TRMT10A: variants seen among roughly 807,000 people sequenced by gnomAD.
The protein encoded by TRMT10A is tRNA methyltransferase 10 homolog A.
A neutral mutation model predicts 40.4 loss-of-function variants in TRMT10A; 37 were observed. That is an observed-to-expected ratio of 0.92 (90% confidence interval 0.71 to 1.21). TRMT10A has a LOEUF of 1.21. TRMT10A is among the 50% of genes most tolerant of loss of function. The pLI, the probability that TRMT10A is intolerant of heterozygous loss-of-function variation, is 0.00. For synonymous variants in TRMT10A, 103 were observed against 134.1 expected (o/e 0.77, Z 1.60); for missense variants, 388 against 404.3 (o/e 0.96, Z 0.35).
chr4:99,553,642 A>C, intron 6 of TRMT10A, 143 bp downstream of exon 6: 1 of 715,118 alleles, frequency 1.4e-6, no homozygotes, highest in Non-Finnish European at 2.2e-6. Flanking sequence ...TATGTGAAAT[A>C]CTTTGCTTAG....
At chr4:99,559,460 T>A (rs1724298097) in intron 1 of TRMT10A, 99 bp from the exon 2 acceptor site, 1 of 766,512 alleles carries the variant, frequency 1.3e-6, no homozygotes, top group African/African-American at 1.7e-5. Flanking sequence ...TAAATAAAAC[T>A]TTAGACAAAT....
In TRMT10A at chr4:99,559,359, C is replaced by T. The variant is rs759426770; in HGVS notation, c.-21G>A. 20 of 1,589,154 alleles carry T rather than the reference C, an allele frequency of 1.3e-5. No individual in the cohort carries two copies. The Admixed American group carries it at 2.6e-4, about 21-fold the overall frequency. ...GACATTATTTGGTGCCTCTGAAAAA[C>T]AACTTTTGACATGAATAGATAATTT... On this transcript the variant is annotated splice_region_variant and 5_prime_UTR_variant, in exon 2 of 8. Transcript: ENST00000394876.
In TRMT10A at chr4:99,564,008, A is replaced by C; in HGVS notation, c.-119T>G. On this transcript the variant is annotated 5_prime_UTR_variant, in exon 1 of 8. Coordinates refer to ENST00000394876, the MANE Select transcript of TRMT10A (RefSeq NM_001134665.3). ...CACGCTTCCTTCCACAGAAACTTCAATTCCCAGAGGCAGGGGCGGTAGTTA... is the reference window on the plus strand; with the variant it reads ...CACGCTTCCTTCCACAGAAACTTCACTTCCCAGAGGCAGGGGCGGTAGTTA... 6.7e-7 allele frequency: 1 copy of C among 1,483,936 alleles called. No individual in the cohort carries two copies. Among genetic ancestry groups the C allele is most frequent in the Non-Finnish European group, 9.1e-7 (1 of 1,100,762 alleles). 91.9% of individuals were successfully genotyped at this position (1,483,936 alleles called of 1,614,324 possible).
intron 1 of TRMT10A, among the ~76,000 whole-genome samples, chr4:99,561,437 T>A (rs1724390203): frequency 1.3e-5 from 2 of 152,090 alleles, no homozygotes; most frequent in Admixed American, 1.3e-4. Context: ...GGTCAACATC[T>A]TCATCATCAT....
chr4:99,556,367 T>C, intron 4 of TRMT10A, 147 bp from the exon 5 acceptor site: 1 of 707,400 alleles, frequency 1.4e-6, no homozygotes, highest in South Asian at 1.9e-5. Flanking sequence ...TGTGACATGC[T>C]TTGAGCAAAC....
chr4:99,558,080 T>TC lies in TRMT10A; in HGVS notation c.316dup (p.Asp106GlyfsTer3). 1 of 1,605,558 alleles carries TC rather than the reference T, an allele frequency of 6.2e-7. No individual in the cohort carries two copies. The highest frequency in any genetic ancestry group is 1.1e-5 in the South Asian group (1 of 89,006). On this transcript the variant is annotated frameshift_variant, in exon 3 of 8. Transcript: ENST00000394876. LOFTEE classifies it high-confidence loss of function. ...TACCATCAAGTGATCAAAACTACAG[T>TC]CAATAATAAGGCGAAGGGTGCTATG...
chr4:99,558,191 C>T lies in TRMT10A; in HGVS notation c.206G>A (p.Arg69His), dbSNP rs147815779. ...ELRKQKRKEK[R>H]KRKKLERQCQ... ...TTGTCGCTCTAATTTTTTCCTCTTGCGTTTTTCTTTTCGCTTTTGTCTAAA... is the reference window on the plus strand; with the variant it reads ...TTGTCGCTCTAATTTTTTCCTCTTGTGTTTTTCTTTTCGCTTTTGTCTAAA... Residue 69 changes from arginine (R) to histidine (H), a missense_variant, in exon 3 of 8, where the codon CGC becomes CAC. Transcript: ENST00000394876. 2.5e-3 allele frequency: 3,924 copies of T among 1,596,038 alleles called. 11 individuals carry two copies. Among genetic ancestry groups the T allele is most frequent in the Non-Finnish European group, 2.6e-3 (3,034 of 1,175,186 alleles).
rs761745195 is a variant in TRMT10A, at chr4:99,556,202, C to T, written c.439G>A (p.Gly147Arg). ...HPVQFYLTSH[G>R]GQLKKNMDEN... ...TCCATGTTCTTTTTCAGCTGGCCTCCGTGGCTTGTCAAGTAAAACTGATAA... is the reference window on the plus strand; with the variant it reads ...TCCATGTTCTTTTTCAGCTGGCCTCTGTGGCTTGTCAAGTAAAACTGATAA... Residue 147 changes from glycine to arginine, a missense_variant, in exon 5 of 8, where the codon GGA (glycine) becomes AGA (arginine). By Grantham distance (125) the Gly-to-Arg change is moderately radical. Transcript: ENST00000394876. 9.9e-6 allele frequency: 16 copies of T among 1,613,186 alleles called. No individual in the cohort carries two copies. The highest frequency in any genetic ancestry group is 2.7e-5 in the African/African-American group (2 of 74,840).
At chr4:99,549,787 A>G (rs1723892220) in intron 7 of TRMT10A, among the ~76,000 whole-genome samples, 1 of 151,906 alleles carries the variant, frequency 6.6e-6, no homozygotes, top group African/African-American at 2.4e-5. Context: ...TTCTTTTCAC[A>G]TTGGTTGTAG....
chr4:99,555,528 A>G (rs1055674061), intron 5 of TRMT10A, among the ~76,000 whole-genome samples: 4 of 152,232 alleles, frequency 2.6e-5, no homozygotes, highest in African/African-American at 9.6e-5. Context: ...CCAAATTTTA[A>G]AAAGTGAAAA....
chr4:99,555,203 C>A (rs1037148430), intron 5 of TRMT10A, among the ~76,000 whole-genome samples: 1 of 152,124 alleles, frequency 6.6e-6, no homozygotes, highest in Non-Finnish European at 1.5e-5. Context: ...GGCACAAATA[C>A]AGGATTTGGT....
chr4:99,561,186 C>G (rs908999364), intron 1 of TRMT10A, among the ~76,000 whole-genome samples: 3 of 151,982 alleles, frequency 2.0e-5, no homozygotes, highest in African/African-American at 7.3e-5. Flanking sequence ...AGGCTGGTCT[C>G]GAACTCCTGA....
rs1474724198 is a variant in TRMT10A at position 99,550,912 on chromosome 4, T to TA, written c.723dup (p.Ser242Ter). 8 of 1,613,256 alleles carry TA rather than the reference T, an allele frequency of 5.0e-6. No homozygotes were observed. Among genetic ancestry groups the TA allele is most frequent in the Non-Finnish European group, 6.8e-6 (8 of 1,179,652 alleles). ...TGATTAACTGCCAAAACTTTTCGACTATTCATCTTCACAAAATTTCCAAGT... is the reference window on the plus strand; with the variant it reads ...TGATTAACTGCCAAAACTTTTCGACTAATTCATCTTCACAAAATTTCCAAGT... On this transcript the variant is annotated frameshift_variant, in exon 7 of 8. Coordinates refer to ENST00000394876, the MANE Select transcript of TRMT10A (RefSeq NM_001134665.3). LOFTEE classifies it low-confidence loss of function (END_TRUNC).
chr4:99,549,911 G>A (rs1393686528), intron 7 of TRMT10A, among the ~76,000 whole-genome samples: 2 of 152,122 alleles, frequency 1.3e-5, no homozygotes, highest in Non-Finnish European at 2.9e-5. Flanking sequence ...AGGTTTTAGA[G>A]GCAATTCATT....
Position 99,559,356 on chromosome 4 carries a change from A to G in TRMT10A, c.-18T>C, listed in dbSNP as rs1724293396. 6.3e-7 allele frequency: 1 copy of G among 1,597,450 alleles called. No homozygotes were observed. The highest frequency in any genetic ancestry group is 1.1e-5 in the South Asian group (1 of 88,058). ...GATGACATTATTTGGTGCCTCTGAA[A>G]AACAACTTTTGACATGAATAGATAA... On this transcript the variant is annotated 5_prime_UTR_variant, in exon 2 of 8. Transcript: ENST00000394876.
chr4:99,562,317 G>A (rs538672833), intron 1 of TRMT10A, among the ~76,000 whole-genome samples: 1 of 150,334 alleles, frequency 6.7e-6, no homozygotes, highest in South Asian at 2.1e-4. Flanking sequence ...ATCTCACTTT[G>A]TAAGGCAAGG....
intron 1 of TRMT10A, among the ~76,000 whole-genome samples, chr4:99,562,207 G>A (rs1459630931): frequency 1.3e-5 from 2 of 148,706 alleles, no homozygotes; most frequent in African/African-American, 5.0e-5. Flanking sequence ...ATATATGTGT[G>A]TGTGTGTGTG....
At chr4:99,552,053 CAA>C (rs1723985988) in intron 6 of TRMT10A, among the ~76,000 whole-genome samples, 1 of 151,580 alleles carries the variant, frequency 6.6e-6, no homozygotes, top group Admixed American at 6.6e-5. Context: ...AATGTTATTA[CAA>C]AAGAGTCCAA....
rs183636672 is a variant in TRMT10A at position 99,560,907 on chromosome 4, T to C, written c.-23-1546A>G. On this transcript the variant is annotated intron_variant, in intron 1 of 7. Coordinates refer to ENST00000394876, the MANE Select transcript of TRMT10A (RefSeq NM_001134665.3). ...GTGGCATCATTTTCAGTTAGTTCTC[T>C]ATTTTATTCAAAAACGGCATGTGTT... is the stretch of plus-strand genomic sequence containing the variant. Among the ~76,000 whole-genome samples, 188 of 152,220 alleles carry C rather than the reference T, an allele frequency of 1.2e-3. 3 individuals are homozygous for C. Among genetic ancestry groups the C allele is most frequent in the Admixed American group, 0.012 (183 of 15,288 alleles).
Sources: gnomAD v4.1 joint callset for allele counts (sites outside exome capture counted in the v4.1 genomes callset) on GRCh38, gnomAD v4.1.1 for gene constraint, MANE v1.5 for transcripts, NCBI Gene and HGNC (gene_info 2026-07-23, HGNC 2026-07-21) for gene names.